The following FRRS1 variants were observed in gnomAD, a reference collection of about 807,000 sequenced individuals.
FRRS1 encodes the protein ferric reductase 1.
Under a neutral mutation model 70.7 loss-of-function variants are expected in FRRS1, and 51 were observed. The ratio of observed to expected loss-of-function variants is 0.72; its 90% CI spans 0.58 to 0.91. FRRS1 has a LOEUF of 0.91. FRRS1 is among the 40% of genes least tolerant of loss of function. FRRS1 has a pLI of 0.00. For missense variants in FRRS1, 672 were observed against 726.0 expected, an observed-to-expected ratio of 0.93 and a Z score of 0.86; for synonymous variants, 225 against 238.7, an observed-to-expected ratio of 0.94 and a Z score of 0.53.
At chr1:99,748,492 CT>C (rs1168930664) in intron 3 of FRRS1, 80 bp downstream of exon 3, 33 of 1,129,820 alleles carry the variant, frequency 2.9e-5, no homozygotes, top group Admixed American at 8.4e-5. Flanking sequence ...GTGAAATCTT[CT>C]AAATCAAGTA....
chr1:99,739,329 T>C (rs1359658757), intron 6 of FRRS1, among the ~76,000 whole-genome samples: 2 of 152,222 alleles, frequency 1.3e-5, no homozygotes, highest in Non-Finnish European at 2.9e-5. Context: ...AGCCTTTGAT[T>C]GAATATACGG....
At chr1:99,729,953 C>T (rs950988416) in intron 7 of FRRS1, among the ~76,000 whole-genome samples, 18 of 152,124 alleles carry the variant, frequency 1.2e-4, no homozygotes, top group Non-Finnish European at 2.2e-4. Context: ...TACAAAAGCA[C>T]TAGAATTTCA....
chr1:99,712,818 T>A (rs187461134), intron 12 of FRRS1, among the ~76,000 whole-genome samples: 1 of 152,322 alleles, frequency 6.6e-6, no homozygotes, highest in East Asian at 1.9e-4. Context: ...ACAGAGTATG[T>A]ACATGGTTGT....
intron 9 of FRRS1, among the ~76,000 whole-genome samples, chr1:99,720,807 GTTT>G (rs1654778165): frequency 6.9e-6 from 1 of 145,622 alleles, no homozygotes; most frequent in East Asian, 2.1e-4. Context: ...TTCAAAAAAA[GTTT>G]TTATCATCTT....
At chr1:99,740,664 C>G in intron 6 of FRRS1, 129 bp downstream of exon 6, 1 of 679,518 alleles carries the variant, frequency 1.5e-6, no homozygotes. Flanking sequence ...GGCACAGTGG[C>G]TCACACCTGT....
intron 10 of FRRS1, among the ~76,000 whole-genome samples, chr1:99,718,960 T>C (rs909904220): frequency 2.0e-5 from 3 of 152,164 alleles, no homozygotes; most frequent in Non-Finnish European, 4.4e-5. Context: ...AAAGCTCCAC[T>C]GGTGATTTTA....
At position 99,715,610 on chromosome 1, in the gene FRRS1, A is replaced by G; in HGVS notation, c.1299T>C (p.Phe433=). Residue 433 remains phenylalanine, a synonymous_variant, in exon 12 of 17, where the codon TTT becomes TTC. Coordinates refer to ENST00000646001, the MANE Select transcript of FRRS1 (RefSeq NM_001361041.2). ...CCCTACTCCAGCCTCCCCTGTATAT[A>G]AACGGCATAACAAAAGCAATGCAGG... ...VLTCIAFVMP[F]IYRGGWSRHA... is the part of the protein sequence containing the mutation. 1.2e-6 allele frequency: 2 copies of G among 1,612,238 alleles called. No homozygotes were observed. Among genetic ancestry groups the G allele is most frequent in the Non-Finnish European group, 1.7e-6 (2 of 1,178,254 alleles).
chr1:99,751,383 CATAATAAATATCT>C (rs909223484), intron 1 of FRRS1, among the ~76,000 whole-genome samples: 30 of 152,144 alleles, frequency 2.0e-4, no homozygotes, highest in East Asian at 7.7e-4. Flanking sequence ...AGTCAATTTC[CATAATAAATATCT>C]ATAATAAATA....
chr1:99,716,246 G>A (rs946693596), intron 11 of FRRS1, among the ~76,000 whole-genome samples: 5 of 152,224 alleles, frequency 3.3e-5, no homozygotes, highest in Non-Finnish European at 7.3e-5. Flanking sequence ...AGCACCCTGT[G>A]TATGTGTGTG....
intron 9 of FRRS1, among the ~76,000 whole-genome samples, chr1:99,724,845 A>G (rs2100929297): frequency 6.6e-6 from 1 of 152,048 alleles, no homozygotes; most frequent in Admixed American, 6.6e-5. Flanking sequence ...TTTGTTAATA[A>G]ACAGATTCAT....
intron 1 of FRRS1, among the ~76,000 whole-genome samples, chr1:99,753,708 C>T (rs1389755954): frequency 1.3e-5 from 2 of 151,868 alleles, no homozygotes; most frequent in Non-Finnish European, 2.9e-5. Flanking sequence ...GGAGGCAGAG[C>T]TTGCAGTGAG....
chr1:99,737,843 A>C (rs1477489371), intron 7 of FRRS1, among the ~76,000 whole-genome samples: 1 of 152,088 alleles, frequency 6.6e-6, no homozygotes, highest in Non-Finnish European at 1.5e-5. Context: ...CCCAGGTTCA[A>C]GTGATTCTCC....
chr1:99,736,962 C>T (rs1409370772), intron 7 of FRRS1, among the ~76,000 whole-genome samples: 1 of 151,990 alleles, frequency 6.6e-6, no homozygotes, highest in Non-Finnish European at 1.5e-5. Flanking sequence ...TGTCAGAGTT[C>T]CTTTTCTTTT....
chr1:99,723,785 G>A (rs548708324), intron 9 of FRRS1, among the ~76,000 whole-genome samples: 1 of 152,182 alleles, frequency 6.6e-6, no homozygotes, highest in African/African-American at 2.4e-5. Context: ...AGAAAACATG[G>A]ACTATTCAAA....
intron 12 of FRRS1, 78 bp downstream of exon 12, chr1:99,715,508 A>G (rs1358292450): frequency 1.2e-6 from 1 of 829,806 alleles, no homozygotes; most frequent in African/African-American, 1.7e-5. Context: ...CTTTTTACCC[A>G]TCATTTGAAA....
rs1244815304 is a variant in FRRS1, at chr1:99,745,543, G to A, written c.333+1751C>T. 2.0e-5 allele frequency among the ~76,000 whole-genome samples: 3 copies of A among 152,100 alleles called. No homozygotes were observed. The East Asian group carries it at 5.8e-4, about 29-fold the overall frequency. The stretch of plus-strand genomic sequence containing the variant: ...TACTAAAAATACAAAAATTAGCCAT[G>A]CATGGTGGTGGGCGCCTATAATCCC... On this transcript the variant is annotated intron_variant, in intron 4 of 16. Transcript: ENST00000646001.
intron 4 of FRRS1, among the ~76,000 whole-genome samples, 191 bp downstream of exon 4, chr1:99,747,103 T>C (rs1404114617): frequency 9.4e-6 from 1 of 106,020 alleles, no homozygotes; most frequent in Admixed American, 8.9e-5. Context: ...GAATACAGTA[T>C]ATAACACATA....
intron 12 of FRRS1, among the ~76,000 whole-genome samples, chr1:99,714,237 G>A (rs1571094722): frequency 6.6e-6 from 1 of 150,572 alleles, no homozygotes; most frequent in East Asian, 2.0e-4. Flanking sequence ...AAGCTGGAGT[G>A]CAGTGGTGCG....
At chr1:99,729,054 T>C (rs1655210942) in intron 8 of FRRS1, among the ~76,000 whole-genome samples, 1 of 152,148 alleles carries the variant, frequency 6.6e-6, no homozygotes, top group South Asian at 2.1e-4. Flanking sequence ...GTCAATCCCA[T>C]GGGAAGGCTG....
Sources: gnomAD v4.1 joint callset for allele counts (sites outside exome capture counted in the v4.1 genomes callset) on GRCh38, gnomAD v4.1.1 for gene constraint, MANE v1.5 for transcripts, NCBI Gene and HGNC (gene_info 2026-07-23, HGNC 2026-07-21) for gene names.